Variants in POR observed in about 807,000 individuals in gnomAD.
POR encodes the protein cytochrome p450 oxidoreductase, also known as NADPH--cytochrome P450 reductase.
POR carries 56 observed loss-of-function variants against 84.0 expected under a neutral mutation model. The ratio of observed to expected loss-of-function variants is 0.67; its 90% CI spans 0.54 to 0.83. The LOEUF (loss-of-function observed/expected upper bound fraction) is 0.83. Ranked by LOEUF, POR falls within the 40% of genes least tolerant of loss-of-function variation. The pLI, the probability that POR is intolerant of heterozygous loss-of-function variation, is 0.00. For missense variants in POR, 938 were observed against 944.3 expected (o/e 0.99, Z 0.09); for synonymous variants, 414 against 400.5 (o/e 1.03, Z -0.40).
chr7:75,940,580 C>G (rs1224416919), intron 1 of POR, among the ~76,000 whole-genome samples: 4 of 149,912 alleles, frequency 2.7e-5, no homozygotes, highest in Non-Finnish European at 5.9e-5. Flanking sequence ...GTCAGGAGAT[C>G]GAGACCATCC....
Position 75,984,818 on chromosome 7 carries a change from T to C in POR, c.1108T>C (p.Tyr370His), listed in dbSNP as rs782667285. Residue 370 changes from tyrosine (Y) to histidine (H), a missense_variant, in exon 11 of 16, where the codon TAC (tyrosine) becomes CAC (histidine). Tyr to His is a moderately conservative substitution (Grantham distance 83). Transcript: ENST00000461988. ...GCACCCATTCCCGTGCCCTACGTCC[T>C]ACCGCACGGCCCTCACCTACTACCT... 4.3e-6 allele frequency: 7 copies of C among 1,612,538 alleles called. No individual in the cohort carries two copies. The highest frequency in any genetic ancestry group is 5.1e-6 in the Non-Finnish European group (6 of 1,179,826).
At chr7:75,971,427 G>A (rs563164154) in intron 2 of POR, among the ~76,000 whole-genome samples, 7 of 152,160 alleles carry the variant, frequency 4.6e-5, no homozygotes, top group East Asian at 3.9e-4. Context: ...TGGGCAAGGG[G>A]CACTGGGCTT....
At chr7:75,971,295 A>G (rs1788431299) in intron 2 of POR, among the ~76,000 whole-genome samples, 1 of 152,024 alleles carries the variant, frequency 6.6e-6, no homozygotes, top group Non-Finnish European at 1.5e-5. Flanking sequence ...ATGTATTTTC[A>G]TCTTCAGGTT....
chr7:75,985,823 A>T lies in POR; in HGVS notation c.1643A>T (p.Gln548Leu). ...GTGGCACCCTTCATAGGCTTCATCC[A>T]GGAGCGGGCCTGGCTGCGACAGCAG... The change falls in exon 13 of 16, where the codon CAG becomes CTG. Residue 548 changes from glutamine to leucine, a missense_variant. By Grantham distance (113) the Gln-to-Leu change is moderately radical (BLOSUM62 -2). Coordinates refer to ENST00000461988, the MANE Select transcript of POR (RefSeq NM_000941.3). The T allele has an allele frequency of 6.4e-7, 1 of 1,556,450 alleles. No homozygotes were observed. Among genetic ancestry groups the T allele is most frequent in the Non-Finnish European group, 8.7e-7 (1 of 1,148,410 alleles).
At chr7:75,933,376 GTTTTTTTTTTT>G (rs200575911) in intron 1 of POR, among the ~76,000 whole-genome samples, 4 of 92,112 alleles carry the variant, frequency 4.3e-5, no homozygotes, top group East Asian at 6.2e-4. Context: ...ATAGGTCTTT[GTTTTTTTTTTT>G]TTTTTTTTTT....
intron 4 of POR, chr7:75,979,843 C>G (rs1788908684): frequency 4.4e-6 from 2 of 456,020 alleles, no homozygotes; most frequent in South Asian, 5.0e-5. Context: ...CTCCTGGCGG[C>G]CGCCACATCT....
At chr7:75,930,302 T>C (rs1238191428) in intron 1 of POR, among the ~76,000 whole-genome samples, 1 of 151,914 alleles carries the variant, frequency 6.6e-6, no homozygotes, top group Non-Finnish European at 1.5e-5. Context: ...AACCAAGGGG[T>C]ACTAACCCTT....
intron 1 of POR, among the ~76,000 whole-genome samples, chr7:75,948,918 A>C (rs926633965): frequency 6.6e-6 from 1 of 152,154 alleles, no homozygotes; most frequent in Non-Finnish European, 1.5e-5. Context: ...TTCTCAGGCA[A>C]AGTTTCTCTG....
At chr7:75,943,871 C>CT (rs782749224) in intron 1 of POR, 1 of 510,464 alleles carries the variant, frequency 2.0e-6, no homozygotes, top group Non-Finnish European at 3.9e-6. Flanking sequence ...GTCCAAAGGG[C>CT]TGCGCGTCTC....
chr7:75,930,741 C>T (rs1009734186), intron 1 of POR, among the ~76,000 whole-genome samples: 1 of 152,138 alleles, frequency 6.6e-6, no homozygotes, highest in African/African-American at 2.4e-5. Context: ...AGGCTGGTCT[C>T]CAACTCCTGA....
At chr7:75,978,821 G>C (rs1319800540) in intron 3 of POR, among the ~76,000 whole-genome samples, 1 of 151,168 alleles carries the variant, frequency 6.6e-6, no homozygotes, top group Non-Finnish European at 1.5e-5. Context: ...ACTGGAGGTG[G>C]AGTCTTGCTC....
At chr7:75,926,771 C>T (rs1157862926) in intron 1 of POR, among the ~76,000 whole-genome samples, 1 of 152,094 alleles carries the variant, frequency 6.6e-6, no homozygotes, top group East Asian at 1.9e-4. Flanking sequence ...TCCATCCAGC[C>T]TGGGCAACAA....
rs149976813 is a variant in POR at position 75,933,844 on chromosome 7, A to ATGTG, written c.-5+18681_-5+18684dup. Reference sequence around the variant, plus strand: ...ATATTTTACCATATTTGCTTTATCAATGTGTGTGTGTGTGTGTGTAGATAT... The same window carrying ATGTG: ...ATATTTTACCATATTTGCTTTATCAATGTGTGTGTGTGTGTGTGTGTGTAGATAT... On this transcript the variant is annotated intron_variant, in intron 1 of 15. Transcript: ENST00000461988. 6.6e-3 allele frequency among the ~76,000 whole-genome samples: 1,001 copies of ATGTG among 150,746 alleles called. 7 individuals are homozygous for ATGTG. Among genetic ancestry groups the ATGTG allele is most frequent in the African/African-American group, 0.02 (837 of 41,200 alleles).
At chr7:75,940,140 A>G (rs1210548611) in intron 1 of POR, among the ~76,000 whole-genome samples, 1 of 151,392 alleles carries the variant, frequency 6.6e-6, no homozygotes, top group African/African-American at 2.4e-5. Context: ...CTGGAGTGCA[A>G]TGGTGTCATC....
chr7:75,919,427 G>C (rs1206921365), intron 1 of POR, among the ~76,000 whole-genome samples: 1 of 149,410 alleles, frequency 6.7e-6, no homozygotes, highest in Non-Finnish European at 1.5e-5. Flanking sequence ...AAGAGGGAGA[G>C]AAGATGGAGG....
At chr7:75,969,930 T>A (rs1321684518) in intron 2 of POR, among the ~76,000 whole-genome samples, 1 of 152,134 alleles carries the variant, frequency 6.6e-6, no homozygotes, top group Admixed American at 6.5e-5. Context: ...CCAGTGTGTG[T>A]GCCACAGCGA....
At position 75,980,241 on chromosome 7, in the gene POR, C is replaced by T; in HGVS notation, c.367-98C>T. 6 of 1,430,800 alleles carry T rather than the reference C, an allele frequency of 4.2e-6. No individual in the cohort carries two copies. The South Asian group carries it at 8.0e-5, about 19-fold the overall frequency. The allele number at this position is 1,430,800 out of a possible 1,614,324, so 88.6% of individuals were successfully genotyped here. A position where few individuals can be genotyped will look rare whatever the true frequency, so the allele number is the denominator to read the frequency against. ...ACACTCAGACATCCCTGGCCTGGTG[C>T]CACCCTGGGCAGGACCTGGCCTTCC... On this transcript the variant is annotated intron_variant, in intron 4 of 15. Coordinates refer to ENST00000461988, the MANE Select transcript of POR (RefSeq NM_000941.3).
intron 2 of POR, among the ~76,000 whole-genome samples, chr7:75,962,167 G>T: frequency 6.6e-6 from 1 of 152,176 alleles, no homozygotes; most frequent in East Asian, 1.9e-4. Flanking sequence ...GTTTGATTTT[G>T]TTTAACAGTT....
chr7:75,969,886 C>T (rs1005538038), intron 2 of POR, among the ~76,000 whole-genome samples: 3 of 152,206 alleles, frequency 2.0e-5, no homozygotes, highest in Admixed American at 6.5e-5. Context: ...CCAGTTAAGC[C>T]ACAGGAATGT....
Sources: allele counts gnomAD v4.1 joint callset (sites outside exome capture counted in the v4.1 genomes callset), GRCh38; gene constraint gnomAD v4.1.1; transcripts MANE v1.5; gene names NCBI Gene and HGNC (gene_info 2026-07-23, HGNC 2026-07-21).